CEP112: variants seen among roughly 807,000 people sequenced by gnomAD.
The protein encoded by CEP112 is centrosomal protein 112.
CEP112 carries 127 observed loss-of-function variants against 153.0 expected under a neutral mutation model. That is an observed-to-expected ratio of 0.83 (90% CI 0.72 to 0.96). CEP112 has a LOEUF of 0.96. CEP112 is among the 40% of genes least tolerant of loss of function. CEP112 has a pLI of 0.00. For missense variants in CEP112, 1,089 were observed against 1,101.2 expected, an observed-to-expected ratio of 0.99 and a Z score of 0.16; for synonymous variants, 358 against 374.4, an observed-to-expected ratio of 0.96 and a Z score of 0.51.
At chr17:66,064,319 G>C (rs541355165) in intron 10 of CEP112, among the ~76,000 whole-genome samples, 2 of 152,146 alleles carry the variant, frequency 1.3e-5, no homozygotes, top group African/African-American at 4.8e-5. Flanking sequence ...AATCATTTTT[G>C]AAGTTTATGT....
intron 11 of CEP112, among the ~76,000 whole-genome samples, chr17:66,060,960 A>G (rs1568445750): frequency 6.6e-6 from 1 of 152,068 alleles, no homozygotes; most frequent in Non-Finnish European, 1.5e-5. Context: ...AAAAATCAAC[A>G]GAGTGAAAAG....
intron 18 of CEP112, among the ~76,000 whole-genome samples, chr17:65,950,455 G>C (rs1248119118): frequency 1.3e-5 from 2 of 151,768 alleles, no homozygotes; most frequent in African/African-American, 4.8e-5. Context: ...TATTTTATTT[G>C]TTTACTTGTA....
At chr17:65,925,965 G>A (rs936395715) in intron 19 of CEP112, among the ~76,000 whole-genome samples, 13 of 152,122 alleles carry the variant, frequency 8.5e-5, no homozygotes, top group Non-Finnish European at 1.3e-4. Context: ...GTTTACCAAA[G>A]CAAAACCAAG....
intron 18 of CEP112, among the ~76,000 whole-genome samples, chr17:65,953,858 GTC>G (rs2061919244): frequency 2.0e-5 from 3 of 152,150 alleles, no homozygotes; most frequent in African/African-American, 7.2e-5. Context: ...CCACCTAGTG[GTC>G]TTTCTCTGCC....
chr17:65,797,616 A>G (rs2055015369), intron 21 of CEP112, among the ~76,000 whole-genome samples: 3 of 152,228 alleles, frequency 2.0e-5, no homozygotes, highest in African/African-American at 7.2e-5. Flanking sequence ...TCATGTTTCC[A>G]GTTTCAAAAT....
chr17:65,737,871 A>C (rs1165992890), intron 23 of CEP112, among the ~76,000 whole-genome samples: 1 of 152,214 alleles, frequency 6.6e-6, no homozygotes, highest in Non-Finnish European at 1.5e-5. Context: ...ATGCCTCAGA[A>C]AATGCAAATC....
At chr17:65,700,536 T>G (rs1281086692) in intron 23 of CEP112, among the ~76,000 whole-genome samples, 1 of 152,106 alleles carries the variant, frequency 6.6e-6, no homozygotes, top group African/African-American at 2.4e-5. Context: ...GGCATAGACC[T>G]GCAATGCTTG....
intron 4 of CEP112, among the ~76,000 whole-genome samples, chr17:66,159,940 C>A (rs2071623925): frequency 6.6e-6 from 1 of 152,038 alleles, no homozygotes; most frequent in Non-Finnish European, 1.5e-5. Flanking sequence ...ATTTAGAAAA[C>A]CCCATTGTCT....
At chr17:66,091,965 T>C (rs1421251020) in intron 8 of CEP112, among the ~76,000 whole-genome samples, 1 of 151,530 alleles carries the variant, frequency 6.6e-6, no homozygotes, top group Non-Finnish European at 1.5e-5. Context: ...GAACGTATGA[T>C]GACTGAATCA....
intron 19 of CEP112, among the ~76,000 whole-genome samples, chr17:65,920,370 T>A (rs1241965845): frequency 8.8e-4 from 50 of 56,690 alleles, no homozygotes; most frequent in African/African-American, 4.1e-3. Context: ...AAAATATATA[T>A]ATATATATAT....
intron 11 of CEP112, among the ~76,000 whole-genome samples, chr17:66,054,721 G>GAA (rs1179966526): frequency 5.3e-5 from 8 of 152,118 alleles, no homozygotes; most frequent in Non-Finnish European, 1.0e-4. Flanking sequence ...GAAGAGACCA[G>GAA]GAGTCCAAAC....
intron 16 of CEP112, among the ~76,000 whole-genome samples, chr17:66,022,031 C>T (rs962312440): frequency 3.3e-5 from 5 of 152,164 alleles, no homozygotes; most frequent in South Asian, 2.1e-4. Context: ...AAGATTCCCA[C>T]GCCCCTTGCT....
chr17:66,015,971 C>G (rs971657678), intron 16 of CEP112, among the ~76,000 whole-genome samples: 1 of 152,116 alleles, frequency 6.6e-6, no homozygotes. Context: ...TTATGCCTTG[C>G]CTTCATATCG....
chr17:66,059,113 G>C (rs2066821373), intron 11 of CEP112, among the ~76,000 whole-genome samples: 1 of 151,974 alleles, frequency 6.6e-6, no homozygotes, highest in Admixed American at 6.6e-5. Context: ...ATATGCAGAA[G>C]AATGAAACTG....
chr17:65,891,393 C>A (rs1449226964), intron 20 of CEP112, among the ~76,000 whole-genome samples: 1 of 152,166 alleles, frequency 6.6e-6, no homozygotes, highest in Non-Finnish European at 1.5e-5. Flanking sequence ...GTTTAACATG[C>A]AGCTCACACT....
chr17:65,935,693 T>TA (rs970228096), intron 18 of CEP112, among the ~76,000 whole-genome samples: 4 of 148,818 alleles, frequency 2.7e-5, no homozygotes, highest in Non-Finnish European at 4.5e-5. Flanking sequence ...AAAGAAAAAT[T>TA]AAAAAAAAAC....
At chr17:65,793,501 GAAAAA>G (rs1367912001) in intron 21 of CEP112, among the ~76,000 whole-genome samples, 1 of 152,076 alleles carries the variant, frequency 6.6e-6, no homozygotes, top group South Asian at 2.1e-4. Flanking sequence ...TTAAAAGTTG[GAAAAA>G]ATAAACAAAA....
chr17:66,162,677 T>C (rs959058204), intron 4 of CEP112, among the ~76,000 whole-genome samples: 4 of 152,182 alleles, frequency 2.6e-5, no homozygotes, highest in Admixed American at 2.6e-4. Flanking sequence ...GAACACGCTT[T>C]ATGAATCAAA....
At chr17:65,669,632 G>A (rs567289443) in intron 24 of CEP112, among the ~76,000 whole-genome samples, 103 of 152,294 alleles carry the variant, frequency 6.8e-4, no homozygotes, top group African/African-American at 2.4e-3. Flanking sequence ...GGCCGGGTAC[G>A]GTGGCTCATG....
Sources: allele counts gnomAD v4.1 joint callset (sites outside exome capture counted in the v4.1 genomes callset), GRCh38; gene constraint gnomAD v4.1.1; transcripts MANE v1.5; gene names NCBI Gene and HGNC (gene_info 2026-07-23, HGNC 2026-07-21).